Variants in CSMD1 observed in about 807,000 individuals in gnomAD.
The protein encoded by CSMD1 is CUB and Sushi multiple domains 1, also known as CUB and sushi domain-containing protein 1.
A neutral mutation model predicts 417.5 loss-of-function variants in CSMD1; 213 were observed. The ratio of observed to expected loss-of-function variants is 0.51; its 90% CI spans 0.46 to 0.57. The LOEUF (loss-of-function observed/expected upper bound fraction) is 0.57, where lower values mean the gene tolerates loss of function less well. CSMD1 is among the 20% of genes least tolerant of loss of function. The pLI, the probability that CSMD1 is intolerant of heterozygous loss-of-function variation, is 0.00. For synonymous variants in CSMD1, 2,862 were observed against 1,736.8 expected, an observed-to-expected ratio of 1.65 and a Z score of -16.11; for missense variants, 6,923 against 4,529.7, an observed-to-expected ratio of 1.53 and a Z score of -15.17.
chr8:3,432,799 C>A (rs1814301877), intron 12 of CSMD1, among the ~76,000 whole-genome samples: 1 of 152,166 alleles, frequency 6.6e-6, no homozygotes, highest in Admixed American at 6.5e-5. Flanking sequence ...CAGGCATGAG[C>A]CACTACACAT....
chr8:3,926,106 C>CCCCAT (rs772372080), intron 5 of CSMD1, among the ~76,000 whole-genome samples: 1 of 51,106 alleles, frequency 2.0e-5, no homozygotes, highest in Admixed American at 2.6e-4. Flanking sequence ...CACACACACA[C>CCCCAT]ACACACACAC....
chr8:4,619,049 C>T (rs1801630534), intron 2 of CSMD1, among the ~76,000 whole-genome samples: 1 of 152,146 alleles, frequency 6.6e-6, no homozygotes, highest in African/African-American at 2.4e-5. Flanking sequence ...CTTCTCTGCT[C>T]AAGCATTTTT....
intron 1 of CSMD1, among the ~76,000 whole-genome samples, chr8:4,964,090 A>AT (rs369147097): frequency 9.9e-5 from 15 of 151,904 alleles, no homozygotes; most frequent in South Asian, 2.1e-4. Context: ...GGTTTATTTT[A>AT]TTTTTTTTAC....
At chr8:3,932,610 T>C (rs1177472909) in intron 5 of CSMD1, among the ~76,000 whole-genome samples, 1 of 150,566 alleles carries the variant, frequency 6.6e-6, no homozygotes, top group Non-Finnish European at 1.5e-5. Flanking sequence ...AACAGTATCA[T>C]ATTTCACCAA....
chr8:3,262,184 AATATATATATATATAT>A (rs201972449), intron 26 of CSMD1, among the ~76,000 whole-genome samples: 715 of 63,164 alleles, frequency 0.011, 17 homozygotes, highest in African/African-American at 0.046. Flanking sequence ...TGCTCATATG[AATATATATATATATAT>A]ATATATATAT....
intron 49 of CSMD1, among the ~76,000 whole-genome samples, chr8:3,059,056 G>C (rs1812416011): frequency 6.6e-6 from 1 of 151,932 alleles, no homozygotes; most frequent in South Asian, 2.1e-4. Flanking sequence ...CTGCGCTAAA[G>C]TGAGAATCCT....
chr8:3,601,337 G>C (rs896874043), intron 8 of CSMD1, among the ~76,000 whole-genome samples: 2 of 152,212 alleles, frequency 1.3e-5, no homozygotes, highest in African/African-American at 4.8e-5. Flanking sequence ...TATAGGAGCT[G>C]TAGAAGGCAG....
chr8:3,486,587 C>A (rs768579507), intron 11 of CSMD1, among the ~76,000 whole-genome samples: 1 of 152,210 alleles, frequency 6.6e-6, no homozygotes, highest in Non-Finnish European at 1.5e-5. Flanking sequence ...GCCAGAACAA[C>A]TGGAAATGAC....
At chr8:3,165,230 A>T in intron 37 of CSMD1, among the ~76,000 whole-genome samples, 1 of 152,114 alleles carries the variant, frequency 6.6e-6, no homozygotes, top group South Asian at 2.1e-4. Context: ...ATGTGTAAGA[A>T]TATTTTTTAT....
chr8:4,768,356 G>A (rs1007939178), intron 1 of CSMD1, among the ~76,000 whole-genome samples: 1 of 152,036 alleles, frequency 6.6e-6, no homozygotes, highest in Non-Finnish European at 1.5e-5. Context: ...AGGAAGACAA[G>A]TCCATCAAAG....
intron 21 of CSMD1, among the ~76,000 whole-genome samples, chr8:3,354,926 TAG>T (rs1808673288): frequency 6.6e-6 from 1 of 151,208 alleles, no homozygotes; most frequent in Admixed American, 6.6e-5. Flanking sequence ...TGTCTATCTA[TAG>T]ATATAGATAT....
At chr8:2,955,855 G>A (rs935598165) in intron 63 of CSMD1, 87 bp from the exon 64 acceptor site, 8 of 1,203,936 alleles carry the variant, frequency 6.6e-6, no homozygotes, top group East Asian at 2.4e-5. Context: ...AAAATAGTTT[G>A]GAAATGGTTA....
chr8:4,185,751 T>G (rs1020995708), intron 3 of CSMD1, among the ~76,000 whole-genome samples: 41 of 152,182 alleles, frequency 2.7e-4, no homozygotes, highest in African/African-American at 9.7e-4. Context: ...GAGCTATCAT[T>G]TTGAGATAAA....
intron 3 of CSMD1, among the ~76,000 whole-genome samples, chr8:4,360,906 T>C (rs1801720060): frequency 6.6e-6 from 1 of 152,198 alleles, no homozygotes; most frequent in Non-Finnish European, 1.5e-5. Context: ...AAAGTAGAAT[T>C]AGGCTTCTGA....
chr8:4,178,792 C>G (rs1005574879), intron 3 of CSMD1, among the ~76,000 whole-genome samples: 1 of 152,132 alleles, frequency 6.6e-6, no homozygotes, highest in Admixed American at 6.5e-5. Flanking sequence ...CAACAAAAGA[C>G]AAACAGCCAA....
At chr8:4,861,844 G>A (rs1015346286) in intron 1 of CSMD1, among the ~76,000 whole-genome samples, 4 of 152,070 alleles carry the variant, frequency 2.6e-5, no homozygotes, top group Admixed American at 6.6e-5. Flanking sequence ...ATATGTGTGA[G>A]AAACAATGGT....
At chr8:3,222,907 C>G (rs1798297056) in intron 28 of CSMD1, among the ~76,000 whole-genome samples, 1 of 152,112 alleles carries the variant, frequency 6.6e-6, no homozygotes. Context: ...ACATTCAGGC[C>G]TTGAATACTG....
intron 7 of CSMD1, among the ~76,000 whole-genome samples, chr8:3,653,998 A>C (rs1797983635): frequency 6.6e-6 from 1 of 152,286 alleles, no homozygotes; most frequent in Non-Finnish European, 1.5e-5. Flanking sequence ...AACTTGGATC[A>C]TTGATGTGAA....
intron 3 of CSMD1, among the ~76,000 whole-genome samples, chr8:4,182,065 C>A (rs573202141): frequency 6.7e-6 from 1 of 149,828 alleles, no homozygotes; most frequent in African/African-American, 2.5e-5. Flanking sequence ...TGTGTGTATA[C>A]CTAAATTAGG....
Sources: gnomAD v4.1 joint callset for allele counts (sites outside exome capture counted in the v4.1 genomes callset) on GRCh38, gnomAD v4.1.1 for gene constraint, MANE v1.5 for transcripts, NCBI Gene and HGNC (gene_info 2026-07-23, HGNC 2026-07-21) for gene names.